The following AGBL4 variants were observed in gnomAD, a reference collection of about 807,000 sequenced individuals.
The protein encoded by AGBL4 is AGBL carboxypeptidase 4.
Under a neutral mutation model 66.4 loss-of-function variants are expected in AGBL4, and 58 were observed. That is an observed-to-expected ratio of 0.87 (90% CI 0.71 to 1.09). AGBL4 has a LOEUF of 1.09. Ranked by LOEUF, AGBL4 falls within the 50% of genes least tolerant of loss-of-function variation. The pLI, the probability that AGBL4 is intolerant of heterozygous loss-of-function variation, is 0.00. For missense variants in AGBL4, 579 were observed against 631.0 expected (o/e 0.92, Z 0.88); for synonymous variants, 234 against 222.9 (o/e 1.05, Z -0.44).
chr1:49,496,527 C>T (rs1312360467), intron 3 of AGBL4, among the ~76,000 whole-genome samples: 1 of 145,366 alleles, frequency 6.9e-6, no homozygotes, highest in Non-Finnish European at 1.5e-5. Flanking sequence ...ACCCACCCCA[C>T]CCCACCCCAC....
chr1:48,615,505 C>A (rs959050518), intron 9 of AGBL4, among the ~76,000 whole-genome samples: 3 of 152,142 alleles, frequency 2.0e-5, no homozygotes, highest in Non-Finnish European at 2.9e-5. Context: ...ATAAAAAGTT[C>A]TTCAAAACCT....
intron 3 of AGBL4, among the ~76,000 whole-genome samples, chr1:49,440,902 T>C (rs1030623601): frequency 6.6e-6 from 1 of 152,098 alleles, no homozygotes; most frequent in Non-Finnish European, 1.5e-5. Flanking sequence ...TGATGAACTT[T>C]TTTTGCCAGA....
intron 3 of AGBL4, among the ~76,000 whole-genome samples, chr1:49,504,473 A>G (rs1648494788): frequency 6.6e-6 from 1 of 151,972 alleles, no homozygotes; most frequent in Non-Finnish European, 1.5e-5. Flanking sequence ...ATCAATTTAT[A>G]TCTCCCTTCA....
At chr1:49,257,305 G>A (rs1033209435) in intron 3 of AGBL4, 1 of 152,366 alleles carries the variant, frequency 6.6e-6, no homozygotes, top group Non-Finnish European at 1.5e-5. Context: ...AGGCCTCCTT[G>A]AGCTGTGCTG....
At chr1:49,551,699 T>C (rs190764906) in intron 3 of AGBL4, among the ~76,000 whole-genome samples, 113 of 152,304 alleles carry the variant, frequency 7.4e-4, no homozygotes, top group African/African-American at 2.6e-3. Flanking sequence ...GTGGAGGTGA[T>C]AGCGGGGTGT....
At chr1:48,672,638 C>T (rs424845) in intron 6 of AGBL4, among the ~76,000 whole-genome samples, 85,100 of 152,018 alleles carry the variant, frequency 0.56, 24,136 homozygotes, top group Middle Eastern at 0.66. Flanking sequence ...TGGGCCCCTT[C>T]CCTATGCCCG....
chr1:49,765,377 A>G (rs752972115), intron 2 of AGBL4, among the ~76,000 whole-genome samples: 2 of 151,864 alleles, frequency 1.3e-5, no homozygotes, highest in African/African-American at 2.4e-5. Context: ...TACTCAACAT[A>G]CTCTACGGTC....
chr1:49,268,372 C>G lies in AGBL4; in HGVS notation c.283-22508G>C, dbSNP rs568340356. Reference sequence around the variant, plus strand: ...ACAGGAATGCATAGGTTTCTAAACTCAGGCAAAACCAAAATTCCTTTCCTT... The same window carrying G: ...ACAGGAATGCATAGGTTTCTAAACTGAGGCAAAACCAAAATTCCTTTCCTT... On this transcript the variant is annotated intron_variant, in intron 3 of 13. Transcript: ENST00000371839. The G allele has an allele frequency of 3.8e-4, 58 of 151,306 alleles. 1 individual carries two copies. The highest frequency in any genetic ancestry group is 1.4e-3 in the African/African-American group (56 of 41,180). The allele number at this position is 151,306 out of a possible 1,614,324, so 9.4% of individuals were successfully genotyped here.
chr1:49,227,812 A>G (rs1650023895), intron 4 of AGBL4, among the ~76,000 whole-genome samples: 1 of 152,172 alleles, frequency 6.6e-6, no homozygotes, highest in Non-Finnish European at 1.5e-5. Context: ...CTCAATATTC[A>G]TGGCTGCAGT....
intron 11 of AGBL4, among the ~76,000 whole-genome samples, chr1:48,558,960 T>G (rs1167369104): frequency 6.6e-6 from 1 of 152,178 alleles, no homozygotes; most frequent in African/African-American, 2.4e-5. Context: ...ATGAGCAGTT[T>G]TTACACACAA....
At chr1:48,763,245 G>A (rs1644367215) in intron 6 of AGBL4, among the ~76,000 whole-genome samples, 1 of 152,210 alleles carries the variant, frequency 6.6e-6, no homozygotes, top group South Asian at 2.1e-4. Context: ...GAGTGGAGGA[G>A]CAATCCTTGG....
intron 3 of AGBL4, 41 bp downstream of exon 3, chr1:49,697,272 C>G: frequency 2.0e-6 from 3 of 1,507,866 alleles, no homozygotes; most frequent in Non-Finnish European, 2.7e-6. Context: ...GCATATTATT[C>G]TTACCAAAAC....
chr1:48,801,642 G>C (rs2148743947), intron 6 of AGBL4, among the ~76,000 whole-genome samples: 1 of 152,278 alleles, frequency 6.6e-6, no homozygotes, highest in African/African-American at 2.4e-5. Context: ...AGGTTCCCCA[G>C]TGGGGATGTG....
intron 3 of AGBL4, among the ~76,000 whole-genome samples, chr1:49,641,037 C>T (rs1341482590): frequency 6.6e-6 from 1 of 152,024 alleles, no homozygotes; most frequent in Non-Finnish European, 1.5e-5. Context: ...ACAATTTCCC[C>T]ACATAATAAA....
At chr1:48,669,716 A>G (rs1482599105) in intron 6 of AGBL4, among the ~76,000 whole-genome samples, 1 of 152,126 alleles carries the variant, frequency 6.6e-6, no homozygotes, top group Non-Finnish European at 1.5e-5. Flanking sequence ...TTCACAGTTC[A>G]CTGTCTGGAC....
At chr1:50,002,695 G>C (rs1420798039) in intron 1 of AGBL4, among the ~76,000 whole-genome samples, 1 of 152,118 alleles carries the variant, frequency 6.6e-6, no homozygotes, top group Non-Finnish European at 1.5e-5. Flanking sequence ...CATGGCCATA[G>C]AGAACTTCAA....
In AGBL4 at chr1:50,005,730, G is replaced by A. The variant is rs373779799; in HGVS notation, c.34+18033C>T. On this transcript the variant is annotated intron_variant, in intron 1 of 13. Coordinates refer to ENST00000371839, the MANE Select transcript of AGBL4 (RefSeq NM_032785.4). ...TCAGAGAATTCAAAATAGCTGTTTT[G>A]AAGAAAGTCAGTAAAATTCAAAATA... is the stretch of plus-strand genomic sequence containing the variant. Among the ~76,000 whole-genome samples, 50 of 152,234 alleles carry A rather than the reference G, an allele frequency of 3.3e-4. 1 individual carries two copies. The South Asian group carries it at 9.6e-3, about 29-fold the overall frequency.
Position 48,779,287 on chromosome 1 carries a change from G to A in AGBL4, c.634+87904C>T, listed in dbSNP as rs142801921. Among the ~76,000 whole-genome samples the A allele has an allele frequency of 2.0e-5, 3 of 152,280 alleles. No homozygotes were observed. In the East Asian group the frequency reaches 5.8e-4, roughly 29 times the overall value. On this transcript the variant is annotated intron_variant, in intron 6 of 13. Transcript: ENST00000371839. ...AATCTCATCTCTTACTACCTTCCCAGACACAGTACACTCCAGACACCTAAA... is the reference window on the plus strand; with the variant it reads ...AATCTCATCTCTTACTACCTTCCCAAACACAGTACACTCCAGACACCTAAA...
intron 4 of AGBL4, among the ~76,000 whole-genome samples, chr1:49,098,293 C>T (rs1024427914): frequency 3.9e-5 from 6 of 152,190 alleles, no homozygotes; most frequent in South Asian, 2.1e-4. Flanking sequence ...AAAGGGAGGA[C>T]GATTTCACTT....
Sources: gnomAD v4.1 joint callset for allele counts (sites outside exome capture counted in the v4.1 genomes callset) on GRCh38, gnomAD v4.1.1 for gene constraint, MANE v1.5 for transcripts, NCBI Gene and HGNC (gene_info 2026-07-23, HGNC 2026-07-21) for gene names.